ADGRL3: variants seen among roughly 807,000 people sequenced by gnomAD.
The protein encoded by ADGRL3 is adhesion G protein-coupled receptor L3, also known as calcium-independent alpha-latrotoxin receptor 3.
In ADGRL3, 62 loss-of-function variants were observed where a neutral mutation model predicts 153.5. The observed-to-expected ratio is 0.40, with a 90% confidence interval of 0.33 to 0.50. The LOEUF (loss-of-function observed/expected upper bound fraction) is 0.50, where lower values mean the gene tolerates loss of function less well. Among genes scored for constraint, ADGRL3 ranks in the 20% least tolerant of loss-of-function variants. The pLI, the probability that ADGRL3 is intolerant of heterozygous loss-of-function variation, is 0.47. For missense variants in ADGRL3, 1,641 were observed against 1,859.4 expected (o/e 0.88, Z 2.16); for synonymous variants, 710 against 672.5 (o/e 1.06, Z -0.86).
intron 19 of ADGRL3, among the ~76,000 whole-genome samples, chr4:61,989,615 A>G (rs1007176274): frequency 3.9e-5 from 6 of 152,056 alleles, no homozygotes; most frequent in Non-Finnish European, 8.8e-5. Context: ...TTGGACATAT[A>G]CAATTATCAT....
At chr4:61,460,132 T>C (rs1464361703) in intron 2 of ADGRL3, among the ~76,000 whole-genome samples, 2 of 152,156 alleles carry the variant, frequency 1.3e-5, no homozygotes, top group Non-Finnish European at 2.9e-5. Flanking sequence ...TTTGAAGTCT[T>C]AGCCATAAAA....
At chr4:61,625,748 T>C (rs1408510902) in intron 5 of ADGRL3, among the ~76,000 whole-genome samples, 1 of 152,010 alleles carries the variant, frequency 6.6e-6, no homozygotes, top group Non-Finnish European at 1.5e-5. Flanking sequence ...CTCAGCATAA[T>C]ATGGTAAGGA....
intron 5 of ADGRL3, among the ~76,000 whole-genome samples, chr4:61,672,166 C>A (rs775541688): frequency 6.8e-4 from 103 of 152,154 alleles, no homozygotes; most frequent in Middle Eastern, 6.8e-3. Flanking sequence ...ATGTTTTCTT[C>A]TAATAGTTTT....
intron 2 of ADGRL3, among the ~76,000 whole-genome samples, chr4:61,421,762 G>A (rs1390427252): frequency 2.8e-4 from 42 of 152,058 alleles, no homozygotes; most frequent in Non-Finnish European, 1.5e-4. Flanking sequence ...GTAAAGTATT[G>A]TAATGACAGA....
chr4:61,726,216 T>TTTTTTTTTTTTTTTTTTTTTTTTTTA (rs1384390790), intron 6 of ADGRL3, among the ~76,000 whole-genome samples: 2 of 148,840 alleles, frequency 1.3e-5, no homozygotes, highest in Non-Finnish European at 1.5e-5. Context: ...TTTTGTTTTT[T>TTTTTTTTTTTTTTTTTTTTTTTTTTA]GAGAAGGAGT....
chr4:61,327,999 T>C (rs1424417153), intron 1 of ADGRL3, among the ~76,000 whole-genome samples: 1 of 152,082 alleles, frequency 6.6e-6, no homozygotes, highest in African/African-American at 2.4e-5. Context: ...TTCAGTAAAA[T>C]GGTAGTGTGC....
chr4:61,272,760 G>T (rs2093264367), intron 1 of ADGRL3, among the ~76,000 whole-genome samples: 1 of 152,104 alleles, frequency 6.6e-6, no homozygotes, highest in South Asian at 2.1e-4. Context: ...CTGAGGAAAT[G>T]ATCTTCATTT....
chr4:61,368,001 T>C (rs1340777533), intron 1 of ADGRL3, among the ~76,000 whole-genome samples: 1 of 151,556 alleles, frequency 6.6e-6, no homozygotes, highest in Non-Finnish European at 1.5e-5. Context: ...ATGGTGAGCA[T>C]TTTTTCATGT....
Position 61,517,419 on chromosome 4 carries a change from G to T in ADGRL3, c.160G>T (p.Ala54Ser), listed in dbSNP as rs2098503410. The change falls in exon 4 of 27, where the codon GCT becomes TCT. Residue 54 changes from alanine (A) to serine (S), a missense_variant. Physicochemically the swap from Ala to Ser is moderately conservative, Grantham distance 99. Transcript: ENST00000683033. ...LPPRHLLQQP[A>S]AERTAAHRGQ... ...ACCCAGACATCTGCTTCAGCAGCCA[G>T]CTGCAGAGCGCACCGCTGCTCATCG... 1 of 786,432 alleles carries T rather than the reference G, an allele frequency of 1.3e-6. No individual in the cohort carries two copies. The highest frequency in any genetic ancestry group is 2.2e-6 in the Non-Finnish European group (1 of 461,340). 48.7% of individuals were successfully genotyped at this position (786,432 alleles called of 1,614,324 possible).
chr4:61,466,243 T>C (rs923489633), intron 2 of ADGRL3, among the ~76,000 whole-genome samples: 19 of 152,226 alleles, frequency 1.2e-4, no homozygotes, highest in African/African-American at 3.1e-4. Context: ...ACCTGTTTCC[T>C]TTCAATCTAA....
intron 2 of ADGRL3, among the ~76,000 whole-genome samples, chr4:61,463,447 C>A (rs1167196847): frequency 6.6e-6 from 1 of 152,018 alleles, no homozygotes; most frequent in Non-Finnish European, 1.5e-5. Flanking sequence ...TTTTAACAAC[C>A]AGATCTCTTG....
At chr4:61,395,791 G>A (rs768161758) in intron 2 of ADGRL3, among the ~76,000 whole-genome samples, 4 of 151,804 alleles carry the variant, frequency 2.6e-5, no homozygotes, top group Non-Finnish European at 5.9e-5. Flanking sequence ...GTTTTAACTG[G>A]CATGGACTTC....
intron 2 of ADGRL3, among the ~76,000 whole-genome samples, chr4:61,459,760 A>G (rs182040438): frequency 1.1e-3 from 161 of 152,144 alleles, no homozygotes; most frequent in African/African-American, 3.8e-3. Context: ...ATGAGATGCT[A>G]TCTCACTGTG....
chr4:61,454,500 T>C (rs1315917669), intron 2 of ADGRL3, among the ~76,000 whole-genome samples: 2 of 152,164 alleles, frequency 1.3e-5, no homozygotes, highest in Non-Finnish European at 2.9e-5. Context: ...TGATGTATTA[T>C]TACAGTGTAC....
intron 25 of ADGRL3, among the ~76,000 whole-genome samples, chr4:62,062,237 A>T (rs1368082307): frequency 1.3e-5 from 2 of 151,972 alleles, no homozygotes; most frequent in Non-Finnish European, 2.9e-5. Context: ...CCACTTGTAT[A>T]TCCTCTTCCA....
intron 25 of ADGRL3, among the ~76,000 whole-genome samples, chr4:62,064,680 T>G (rs543065682): frequency 2.0e-5 from 3 of 152,020 alleles, no homozygotes; most frequent in Admixed American, 2.0e-4. Flanking sequence ...GTTTTTTTTT[T>G]TCTTTCTCGG....
chr4:61,573,609 A>G (rs1483308300), intron 4 of ADGRL3, among the ~76,000 whole-genome samples: 1 of 151,940 alleles, frequency 6.6e-6, no homozygotes, highest in Admixed American at 6.6e-5. Context: ...TTTTAGCAAA[A>G]TAGAAATCCA....
rs966691402 is a variant in ADGRL3 at position 62,078,186 on chromosome 4, T to G, written c.*7278T>G. The G allele has an allele frequency of 6.6e-6, 1 of 152,034 alleles. No individual in the cohort carries two copies. Among genetic ancestry groups the G allele is most frequent in the Non-Finnish European group, 1.5e-5 (1 of 67,914 alleles). 9.4% of individuals were successfully genotyped at this position (152,034 alleles called of 1,614,324 possible). A position where few individuals can be genotyped will look rare whatever the true frequency, so the allele number is the denominator to read the frequency against. ...ATTCTCATATATTTACACATGGCAT[T>G]ATTCTTTTCATATACACCTACCAGA... On this transcript the variant is annotated 3_prime_UTR_variant, in exon 27 of 27. Coordinates refer to ENST00000683033, the MANE Select transcript of ADGRL3 (RefSeq NM_001387552.1).
intron 2 of ADGRL3, among the ~76,000 whole-genome samples, chr4:61,409,317 T>C (rs1039048506): frequency 1.6e-4 from 23 of 141,256 alleles, no homozygotes; most frequent in African/African-American, 5.4e-4. Context: ...ATATAATATA[T>C]ATTAGACATA....
Sources: gnomAD v4.1 joint callset for allele counts (sites outside exome capture counted in the v4.1 genomes callset) on GRCh38, gnomAD v4.1.1 for gene constraint, MANE v1.5 for transcripts, NCBI Gene and HGNC (gene_info 2026-07-23, HGNC 2026-07-21) for gene names.